PCDHA7: variants seen among roughly 807,000 people sequenced by gnomAD.
The protein encoded by PCDHA7 is protocadherin alpha 7, also known as protocadherin alpha-7.
PCDHA7 carries 37 observed loss-of-function variants against 57.2 expected under a neutral mutation model. That is an observed-to-expected ratio of 0.65 (90% CI 0.50 to 0.85). The LOEUF (loss-of-function observed/expected upper bound fraction) is 0.85. Ranked by LOEUF, PCDHA7 falls within the 40% of genes least tolerant of loss-of-function variation. PCDHA7 has a pLI of 0.00. For synonymous variants in PCDHA7, 553 were observed against 558.8 expected (o/e 0.99, Z 0.15); for missense variants, 1,188 against 1,241.8 (o/e 0.96, Z 0.65).
Position 140,836,619 on chromosome 5 carries a change from G to A in PCDHA7, c.2236G>A (p.Gly746Arg), listed in dbSNP as rs1272044084. The stretch of plus-strand genomic sequence containing the variant: ...CACTCTGGTGTGCTCCAGCGCGGTG[G>A]GGAGCTGGTCATTCTCCCAGCAGAG... ...KPTLVCSSAV[G>R]SWSFSQQRRQ... The change falls in exon 1 of 4, where the codon GGG (glycine) becomes AGG (arginine). Residue 746 changes from glycine to arginine, a missense_variant. Physicochemically the swap from Gly to Arg is moderately radical, Grantham distance 125 (BLOSUM62 -2). This residue lies in a region of PCDHA7 where 892 missense variants were observed against 788.5 expected (regional missense o/e 1.13). Coordinates refer to ENST00000525929, the MANE Select transcript of PCDHA7 (RefSeq NM_018910.3). The A allele has an allele frequency of 1.9e-6, 3 of 1,613,602 alleles. No homozygotes were observed. The highest frequency in any genetic ancestry group is 2.5e-6 in the Non-Finnish European group (3 of 1,179,736).
intron 1 of PCDHA7, among the ~76,000 whole-genome samples, chr5:140,975,592 C>A (rs2096673847): frequency 6.6e-6 from 1 of 152,170 alleles, no homozygotes; most frequent in Non-Finnish European, 1.5e-5. Context: ...TCCCAGAGGG[C>A]AATTTGTTGA....
intron 1 of PCDHA7, among the ~76,000 whole-genome samples, chr5:140,906,179 C>G (rs2072430767): frequency 1.3e-5 from 2 of 152,172 alleles, no homozygotes; most frequent in African/African-American, 4.8e-5. Flanking sequence ...TACTTTGCAT[C>G]CTTCAATCCA....
rs782516629 is a variant in PCDHA7, at chr5:140,876,277, C to G, written c.2355+39539C>G. 5 of 1,613,988 alleles carry G rather than the reference C, an allele frequency of 3.1e-6. No homozygotes were observed. The highest frequency in any genetic ancestry group is 2.2e-5 in the East Asian group (1 of 44,886). Reference sequence around the variant, plus strand: ...AGTGATCCAACTAAATGCTTCCGATCCAGACGAAGGACTTAATGGAGAAAT... The same window carrying G: ...AGTGATCCAACTAAATGCTTCCGATGCAGACGAAGGACTTAATGGAGAAAT... On this transcript the variant is annotated intron_variant, in intron 1 of 3. Transcript: ENST00000525929.
chr5:140,852,153 T>C, intron 1 of PCDHA7: 1 of 858,712 alleles, frequency 1.2e-6, no homozygotes, highest in Non-Finnish European at 1.4e-6. Context: ...CAGAATGGCC[T>C]TGAGAATAGA....
intron 1 of PCDHA7, chr5:140,870,228 C>T: frequency 6.2e-7 from 1 of 1,614,186 alleles, no homozygotes; most frequent in South Asian, 1.1e-5. Context: ...GCGTGTCTGA[C>T]CGTGACTCAG....
At chr5:140,836,828 T>C (rs1233722756) in intron 1 of PCDHA7, 90 bp downstream of exon 1, 27 of 957,894 alleles carry the variant, frequency 2.8e-5, no homozygotes, top group Non-Finnish European at 3.7e-5. Flanking sequence ...TCTTTTTTAG[T>C]TGATAGCTTT....
chr5:140,887,954 T>A (rs2061642378), intron 1 of PCDHA7, among the ~76,000 whole-genome samples: 1 of 152,240 alleles, frequency 6.6e-6, no homozygotes, highest in South Asian at 2.1e-4. Context: ...TGTATAAGAT[T>A]CTTTTTGTCT....
chr5:140,999,975 A>G (rs952038024), intron 3 of PCDHA7, among the ~76,000 whole-genome samples: 3 of 152,078 alleles, frequency 2.0e-5, no homozygotes, highest in African/African-American at 7.2e-5. Context: ...TAGCAGCTCT[A>G]GCGGCCTCTG....
rs782044159 is a variant in PCDHA7 at position 140,883,367 on chromosome 5, G to T, written c.2355+46629G>T. On this transcript the variant is annotated intron_variant, in intron 1 of 3. Transcript: ENST00000525929. Reference sequence around the variant, plus strand: ...CATCAGAGAAGACACTCAGCCTAGCGCCATTATTGCCCTAATCAGTGTGTC... The same window carrying T: ...CATCAGAGAAGACACTCAGCCTAGCTCCATTATTGCCCTAATCAGTGTGTC... The T allele has an allele frequency of 5.6e-6, 9 of 1,614,006 alleles. No homozygotes were observed. Among genetic ancestry groups the T allele is most frequent in the Non-Finnish European group, 7.6e-6 (9 of 1,180,038 alleles).
intron 1 of PCDHA7, among the ~76,000 whole-genome samples, chr5:140,854,874 G>A (rs1554147476): frequency 6.7e-6 from 1 of 149,752 alleles, no homozygotes; most frequent in African/African-American, 2.4e-5. Context: ...TCAGAACTGT[G>A]TCTTTTGGGC....
chr5:140,970,881 C>T (rs1316692542), intron 1 of PCDHA7, among the ~76,000 whole-genome samples: 1 of 152,050 alleles, frequency 6.6e-6, no homozygotes, highest in Non-Finnish European at 1.5e-5. Flanking sequence ...GTAGATTTTT[C>T]TCATGGACAT....
chr5:140,842,282 G>A (rs2150333421), intron 1 of PCDHA7: 1 of 1,610,576 alleles, frequency 6.2e-7, no homozygotes, highest in Admixed American at 1.7e-5. Flanking sequence ...AATCCTCATT[G>A]ACGCCACGGA....
intron 1 of PCDHA7, among the ~76,000 whole-genome samples, chr5:140,890,656 A>C (rs181998048): frequency 1.3e-5 from 2 of 152,300 alleles, no homozygotes; most frequent in Admixed American, 6.5e-5. Context: ...CAAAATCAAA[A>C]GTTAACTGAA....
chr5:140,875,696 T>C (rs2055720575), intron 1 of PCDHA7: 1 of 1,613,958 alleles, frequency 6.2e-7, no homozygotes, highest in Non-Finnish European at 8.5e-7. Flanking sequence ...GGGGACCTTC[T>C]GGAGGTAAAT....
chr5:140,841,315 A>G, intron 1 of PCDHA7: 2 of 1,599,632 alleles, frequency 1.3e-6, no homozygotes, highest in South Asian at 1.1e-5. Flanking sequence ...GGAAACGACT[A>G]TTTAACATGG....
intron 1 of PCDHA7, chr5:140,882,570 A>G (rs1562776435): frequency 6.2e-7 from 1 of 1,614,240 alleles, no homozygotes. Flanking sequence ...CGGAGCGCGG[A>G]GTGCAGCATC....
At chr5:140,982,434 T>A in intron 2 of PCDHA7, 41 bp from the exon 3 acceptor site, 1 of 1,613,270 alleles carries the variant, frequency 6.2e-7, no homozygotes, top group Non-Finnish European at 8.5e-7. Flanking sequence ...TGGGAAAGAA[T>A]TTATGATCTA....
At chr5:140,885,016 T>C (rs1554181958) in intron 1 of PCDHA7, among the ~76,000 whole-genome samples, 1 of 152,244 alleles carries the variant, frequency 6.6e-6, no homozygotes. Flanking sequence ...CTAATCGTAA[T>C]CTTAAATTTA....
chr5:140,857,883 C>T (rs782327077), intron 1 of PCDHA7: 1 of 1,597,548 alleles, frequency 6.3e-7, no homozygotes, highest in Admixed American at 1.7e-5. Context: ...GAATTGCAGT[C>T]GGCGGCGGTT....
Sources: gnomAD v4.1 joint callset for allele counts (sites outside exome capture counted in the v4.1 genomes callset) on GRCh38, gnomAD v4.1.1 for gene constraint, gnomAD v4.1.1 regional missense constraint, MANE v1.5 for transcripts, NCBI Gene and HGNC (gene_info 2026-07-23, HGNC 2026-07-21) for gene names.